Variants in HELZ observed in about 807,000 individuals in gnomAD.
HELZ encodes ATP-dependent RNA helicase with zinc finger domain.
Under a neutral mutation model 218.2 loss-of-function variants are expected in HELZ, and 23 were observed. The ratio of observed to expected loss-of-function variants is 0.11; its 90% CI spans 0.08 to 0.15. HELZ has a LOEUF of 0.15. Among genes scored for constraint, HELZ ranks in the 10% least tolerant of loss-of-function variants. The pLI is 1.00. For synonymous variants in HELZ, 814 were observed against 829.4 expected (o/e 0.98, Z 0.32); for missense variants, 1,813 against 2,353.7 (o/e 0.77, Z 4.75).
intron 31 of HELZ, among the ~76,000 whole-genome samples, chr17:67,091,270 GA>G (rs776777802): frequency 1.3e-5 from 2 of 151,926 alleles, no homozygotes; most frequent in Non-Finnish European, 2.9e-5. Context: ...AGTGAAAAAA[GA>G]AGGGGAAAAA....
intron 23 of HELZ, among the ~76,000 whole-genome samples, chr17:67,130,213 A>C (rs1204839255): frequency 3.9e-5 from 6 of 152,076 alleles, no homozygotes; most frequent in African/African-American, 1.2e-4. Flanking sequence ...GGAATGAAAA[A>C]CTATCTGTTG....
chr17:67,119,993 CTTTTTTTTT>C lies in HELZ; in HGVS notation c.3838+403_3838+411del, dbSNP rs56893875. ...TTATATGTTAGATTCTCTCCCTTTT[CTTTTTTTTT>C]TTTTTTTTTTTTTTTTTTTGAGATG... On this transcript the variant is annotated intron_variant, in intron 27 of 32. Transcript: ENST00000358691. 337 of 161,940 alleles carry C rather than the reference CTTTTTTTTT, an allele frequency of 2.1e-3. 2 individuals carry two copies. Among genetic ancestry groups the C allele is most frequent in the South Asian group, 6.5e-3 (133 of 20,338 alleles). 10.0% of individuals were successfully genotyped at this position (161,940 alleles called of 1,614,324 possible).
At chr17:67,088,641 G>A (rs1238482307) in intron 31 of HELZ, among the ~76,000 whole-genome samples, 1 of 152,218 alleles carries the variant, frequency 6.6e-6, no homozygotes, top group African/African-American at 2.4e-5. Flanking sequence ...CTTAGCTATT[G>A]AATGGAGGAA....
chr17:67,119,307 ACGGT>A (rs1223109231), intron 27 of HELZ, among the ~76,000 whole-genome samples: 1 of 152,176 alleles, frequency 6.6e-6, no homozygotes, highest in Non-Finnish European at 1.5e-5. Flanking sequence ...CTGAATACTA[ACGGT>A]AAAAAGGAAC....
chr17:67,214,009 T>C (rs1187990721), intron 5 of HELZ, among the ~76,000 whole-genome samples: 1 of 152,168 alleles, frequency 6.6e-6, no homozygotes, highest in Non-Finnish European at 1.5e-5. Context: ...ACAGAAGACC[T>C]TTCTCATACA....
chr17:67,120,673 G>A (rs2143825518), intron 26 of HELZ, 61 bp from the exon 27 acceptor site: 3 of 1,151,114 alleles, frequency 2.6e-6, no homozygotes, highest in Non-Finnish European at 3.9e-6. Context: ...AACTGCTAGA[G>A]TGCTGCTGAT....
chr17:67,190,748 T>C (rs2039871498), intron 9 of HELZ, among the ~76,000 whole-genome samples: 2 of 152,226 alleles, frequency 1.3e-5, no homozygotes, highest in African/African-American at 4.8e-5. Flanking sequence ...TCTCACTCCG[T>C]TGCCCAGGCT....
Position 67,188,204 on chromosome 17 carries a change from T to G in HELZ, c.1162+115A>C. ...GTAAATGAGTCAATTAAGTTGGGATTTTTTTCTTTATTACTATTCTCTTCC... is the reference window on the plus strand; with the variant it reads ...GTAAATGAGTCAATTAAGTTGGGATGTTTTTCTTTATTACTATTCTCTTCC... On this transcript the variant is annotated intron_variant, in intron 12 of 32. Coordinates refer to ENST00000358691, the MANE Select transcript of HELZ (RefSeq NM_014877.4). The surrounding 1 kb of genome is among the most constrained non-coding windows in gnomAD (Gnocchi z 4.1). 9.9e-7 allele frequency: 1 copy of G among 1,009,242 alleles called. No individual in the cohort carries two copies. The highest frequency in any genetic ancestry group is 1.5e-6 in the Non-Finnish European group (1 of 684,032). The allele number at this position is 1,009,242 out of a possible 1,614,324, so 62.5% of individuals were successfully genotyped here. A position where few individuals can be genotyped will look rare whatever the true frequency, so the allele number is the denominator to read the frequency against.
chr17:67,085,127 G>A (rs896028069), intron 32 of HELZ, among the ~76,000 whole-genome samples: 1 of 151,498 alleles, frequency 6.6e-6, no homozygotes, highest in Admixed American at 6.6e-5. Flanking sequence ...AAACAAAAAA[G>A]TGACAAAGCA....
In HELZ at chr17:67,108,599, G is replaced by A. The variant is rs1440200429; in HGVS notation, c.4617C>T (p.His1539=). ...SAPYPHHHHP[H]LQHLPQPPLG... Reference sequence around the variant, plus strand: ...GGGGCGGCTGAGGAAGATGCTGGAGGTGAGGATGGTGATGGTGTGGGTATG... The same window carrying A: ...GGGGCGGCTGAGGAAGATGCTGGAGATGAGGATGGTGATGGTGTGGGTATG... Residue 1539 remains histidine, a synonymous_variant, in exon 30 of 33, where the codon CAC becomes CAT. Transcript: ENST00000358691. The surrounding 1 kb of genome is among the most constrained non-coding windows in gnomAD (Gnocchi z 4.1). 6.2e-7 allele frequency: 1 copy of A among 1,614,128 alleles called. No individual in the cohort carries two copies. The highest frequency in any genetic ancestry group is 2.2e-5 in the East Asian group (1 of 44,876).
rs139617787 is a variant in HELZ, at chr17:67,192,727, C to T, written c.557+1240G>A. Reference sequence around the variant, plus strand: ...AAAACCATGTAGCAAATTTCCTTCGCTATCAAAAGTAATCTAAAGAGGCGG... The same window carrying T: ...AAAACCATGTAGCAAATTTCCTTCGTTATCAAAAGTAATCTAAAGAGGCGG... On this transcript the variant is annotated intron_variant, in intron 9 of 32. Transcript: ENST00000358691. Among the ~76,000 whole-genome samples, 788 of 152,258 alleles carry T rather than the reference C, an allele frequency of 5.2e-3. 5 individuals are homozygous for T. The highest frequency in any genetic ancestry group is 0.018 in the African/African-American group (748 of 41,568).
At chr17:67,079,147 T>C (rs781235261) in intron 32 of HELZ, among the ~76,000 whole-genome samples, 2 of 152,232 alleles carry the variant, frequency 1.3e-5, no homozygotes, top group Non-Finnish European at 2.9e-5. Context: ...CCTTAAAATT[T>C]GACTCCATCC....
intron 3 of HELZ, among the ~76,000 whole-genome samples, chr17:67,224,066 T>G (rs1409211287): frequency 2.6e-5 from 4 of 152,216 alleles, no homozygotes; most frequent in Admixed American, 6.5e-5. Flanking sequence ...ATGTGGTTCC[T>G]GAAGAGCTAA....
intron 31 of HELZ, among the ~76,000 whole-genome samples, chr17:67,100,374 C>T (rs1484428005): frequency 6.6e-6 from 1 of 152,116 alleles, no homozygotes; most frequent in East Asian, 1.9e-4. Flanking sequence ...AAGTAAATGT[C>T]GATTTACTGA....
Position 67,136,206 on chromosome 17 carries a change from G to A in HELZ, c.2954-8C>T, listed in dbSNP as rs2038144489. Reference sequence around the variant, plus strand: ...AAACTCTGAATTGCTTTCCTACAAAGAAAATTTTTTAAGAAAAGACTTAAG... The same window carrying A: ...AAACTCTGAATTGCTTTCCTACAAAAAAAATTTTTTAAGAAAAGACTTAAG... On this transcript the variant is annotated splice_polypyrimidine_tract_variant and splice_region_variant and intron_variant, in intron 22 of 32. Coordinates refer to ENST00000358691, the MANE Select transcript of HELZ (RefSeq NM_014877.4). 1 of 1,581,090 alleles carries A rather than the reference G, an allele frequency of 6.3e-7. No individual in the cohort carries two copies. Among genetic ancestry groups the A allele is most frequent in the Non-Finnish European group, 8.6e-7 (1 of 1,160,406 alleles).
intron 5 of HELZ, among the ~76,000 whole-genome samples, chr17:67,213,784 C>T (rs917745478): frequency 9.2e-5 from 14 of 152,054 alleles, no homozygotes; most frequent in Non-Finnish European, 1.5e-4. Context: ...CACCTAAATG[C>T]CCATCAATAC....
intron 1 of HELZ, chr17:67,244,474 C>T (rs2041413529): frequency 2.6e-6 from 1 of 382,970 alleles, no homozygotes; most frequent in African/African-American, 2.2e-5. Flanking sequence ...AGTCTGTGAG[C>T]CCTTGAAAAG....
intron 31 of HELZ, among the ~76,000 whole-genome samples, chr17:67,090,663 C>T (rs753930808): frequency 1.3e-5 from 2 of 152,172 alleles, no homozygotes; most frequent in Non-Finnish European, 2.9e-5. Flanking sequence ...AATGTATGTG[C>T]ACAGAGTTGT....
intron 3 of HELZ, among the ~76,000 whole-genome samples, chr17:67,222,969 C>T (rs1489598001): frequency 6.6e-6 from 1 of 151,790 alleles, no homozygotes; most frequent in Non-Finnish European, 1.5e-5. Flanking sequence ...TAAGTGAGGC[C>T]GGGCACGGTG....
Sources: allele counts gnomAD v4.1 joint callset (sites outside exome capture counted in the v4.1 genomes callset), GRCh38; gene constraint gnomAD v4.1.1; non-coding constraint Gnocchi (gnomAD v3.1); transcripts MANE v1.5; gene names NCBI Gene and HGNC (gene_info 2026-07-23, HGNC 2026-07-21).